Variants in ATG7 observed in about 807,000 individuals in gnomAD.
ATG7 encodes the protein autophagy related 7, also known as ubiquitin-like modifier-activating enzyme ATG7.
ATG7 carries 70 observed loss-of-function variants against 82.4 expected under a neutral mutation model. That is an observed-to-expected ratio of 0.85 (90% CI 0.70 to 1.04). ATG7 has a LOEUF of 1.04. Ranked by LOEUF, ATG7 falls within the 50% of genes least tolerant of loss-of-function variation. The pLI is 0.00. For missense variants in ATG7, 792 were observed against 864.3 expected, an observed-to-expected ratio of 0.92 and a Z score of 1.05; for synonymous variants, 287 against 313.0, an observed-to-expected ratio of 0.92 and a Z score of 0.88.
chr3:11,554,786 T>G (rs1394043607), intron 20 of ATG7, 25 bp from the exon 21 acceptor site: 3 of 1,612,590 alleles, frequency 1.9e-6, no homozygotes, highest in Non-Finnish European at 2.5e-6. Context: ...ACATCTCGGC[T>G]GAGCCTCTCC....
At chr3:11,478,087 T>C (rs1372762330) in intron 20 of ATG7, among the ~76,000 whole-genome samples, 1 of 152,206 alleles carries the variant, frequency 6.6e-6, no homozygotes, top group African/African-American at 2.4e-5. Context: ...TCCCATGTAA[T>C]ACCTGTGGGT....
intron 20 of ATG7, among the ~76,000 whole-genome samples, chr3:11,550,912 A>G (rs2071714614): frequency 6.6e-6 from 1 of 151,160 alleles, no homozygotes; most frequent in African/African-American, 2.4e-5. Context: ...GTTTGTATCT[A>G]GTATTCTTAT....
intron 19 of ATG7, among the ~76,000 whole-genome samples, chr3:11,392,466 AC>A (rs1276708885): frequency 4.7e-5 from 7 of 149,836 alleles, no homozygotes; most frequent in Non-Finnish European, 1.0e-4. Context: ...CATTAAAAAA[AC>A]AAACAAAAAA....
intron 18 of ATG7, among the ~76,000 whole-genome samples, chr3:11,375,752 G>A (rs1396637382): frequency 6.6e-6 from 1 of 152,182 alleles, no homozygotes; most frequent in Non-Finnish European, 1.5e-5. Flanking sequence ...TAGAGATGGG[G>A]TTTCACCATG....
At chr3:11,540,993 A>G (rs1440721189) in intron 20 of ATG7, among the ~76,000 whole-genome samples, 6 of 147,876 alleles carry the variant, frequency 4.1e-5, no homozygotes, top group South Asian at 4.3e-4. Context: ...TCCGCCTCCC[A>G]GGTTCACGCC....
intron 20 of ATG7, among the ~76,000 whole-genome samples, chr3:11,506,587 C>CAAAAAAAAAAAAAAA (rs1275955326): frequency 6.7e-5 from 8 of 119,538 alleles, no homozygotes; most frequent in African/African-American, 2.1e-4. Flanking sequence ...AAAAAAAACC[C>CAAAAAAAAAAAAAAA]AAAAATTAGC....
At chr3:11,409,459 C>T (rs902714671) in intron 19 of ATG7, among the ~76,000 whole-genome samples, 3 of 152,168 alleles carry the variant, frequency 2.0e-5, no homozygotes, top group Admixed American at 6.5e-5. Flanking sequence ...ATGTTCTGAA[C>T]ACGTTTAAGG....
chr3:11,560,724 A>G (rs1380349353), downstream of ATG7, among the ~76,000 whole-genome samples: 2 of 152,194 alleles, frequency 1.3e-5, no homozygotes, highest in Non-Finnish European at 2.9e-5. Context: ...AGACCAACCA[A>G]GAATTCAGGG....
intron 19 of ATG7, among the ~76,000 whole-genome samples, chr3:11,394,549 C>T (rs2079061539): frequency 6.6e-6 from 1 of 152,290 alleles, no homozygotes; most frequent in Non-Finnish European, 1.5e-5. Flanking sequence ...CTTTAGTGTC[C>T]TTTCAAGGTG....
At chr3:11,511,968 C>T (rs1470680341) in intron 20 of ATG7, among the ~76,000 whole-genome samples, 1 of 152,152 alleles carries the variant, frequency 6.6e-6, no homozygotes, top group Non-Finnish European at 1.5e-5. Flanking sequence ...GGTTCCCGCT[C>T]GTGCCTCTCC....
intron 20 of ATG7, among the ~76,000 whole-genome samples, chr3:11,449,538 G>A (rs928308731): frequency 6.6e-6 from 1 of 152,134 alleles, no homozygotes; most frequent in Non-Finnish European, 1.5e-5. Context: ...ATACAAAGAA[G>A]CTTCTCATGT....
intron 11 of ATG7, among the ~76,000 whole-genome samples, chr3:11,336,552 A>G (rs1952526825): frequency 6.6e-6 from 1 of 152,202 alleles, no homozygotes. Flanking sequence ...TTCATAAAGA[A>G]TTTTTCTATA....
At chr3:11,380,568 G>A (rs891043992) in intron 19 of ATG7, among the ~76,000 whole-genome samples, 3 of 152,214 alleles carry the variant, frequency 2.0e-5, no homozygotes, top group African/African-American at 7.2e-5. Flanking sequence ...GTTAGCCATC[G>A]TAATGTGAAA....
intron 20 of ATG7, among the ~76,000 whole-genome samples, chr3:11,530,038 G>T (rs192935710): frequency 5.3e-5 from 8 of 152,140 alleles, no homozygotes; most frequent in Non-Finnish European, 8.8e-5. Context: ...CTTCTACTTG[G>T]ATCAGAGGTG....
chr3:11,380,788 A>G (rs1023742737), intron 19 of ATG7, among the ~76,000 whole-genome samples: 2 of 152,210 alleles, frequency 1.3e-5, no homozygotes, highest in Non-Finnish European at 2.9e-5. Context: ...GAAGTGCTAT[A>G]CAAAATAATG....
chr3:11,388,389 C>T (rs1434150756), intron 19 of ATG7, among the ~76,000 whole-genome samples: 2 of 151,730 alleles, frequency 1.3e-5, no homozygotes, highest in Non-Finnish European at 2.9e-5. Context: ...GACTTGACTC[C>T]TGATGGGCAA....
intron 18 of ATG7, among the ~76,000 whole-genome samples, chr3:11,372,855 T>TGC (rs2077127902): frequency 1.3e-5 from 2 of 150,128 alleles, no homozygotes; most frequent in African/African-American, 4.9e-5. Flanking sequence ...CGTGTGCGTG[T>TGC]GTGTGTGTGA....
At chr3:11,435,604 G>A (rs988006995) in intron 20 of ATG7, among the ~76,000 whole-genome samples, 6 of 152,162 alleles carry the variant, frequency 3.9e-5, no homozygotes, top group African/African-American at 1.4e-4. Context: ...GAAGGTCTGA[G>A]TTCATACCTC....
chr3:11,329,562 G>A (rs719519), intron 9 of ATG7, among the ~76,000 whole-genome samples: 6,397 of 151,992 alleles, frequency 0.042, 159 homozygotes, highest in African/African-American at 0.065. Flanking sequence ...AACATTCACC[G>A]AGTGTCTGCT....
Sources: allele counts gnomAD v4.1 joint callset (sites outside exome capture counted in the v4.1 genomes callset), GRCh38; gene constraint gnomAD v4.1.1; transcripts MANE v1.5; gene names NCBI Gene and HGNC (gene_info 2026-07-23, HGNC 2026-07-21).